Variants in ABCD2 observed in about 807,000 individuals in gnomAD.
The protein encoded by ABCD2 is ATP-binding cassette sub-family D member 2.
Under a neutral mutation model 70.9 loss-of-function variants are expected in ABCD2, and 36 were observed. The ratio of observed to expected loss-of-function variants is 0.51; its 90% CI spans 0.39 to 0.67. ABCD2 has a LOEUF of 0.67. Among genes scored for constraint, ABCD2 ranks in the 30% least tolerant of loss-of-function variants. The pLI is 0.00. For synonymous variants in ABCD2, 304 were observed against 306.9 expected, an observed-to-expected ratio of 0.99 and a Z score of 0.10; for missense variants, 729 against 890.2, an observed-to-expected ratio of 0.82 and a Z score of 2.30.
At chr12:39,564,154 G>T (rs1444812819) in intron 9 of ABCD2, among the ~76,000 whole-genome samples, 1 of 152,142 alleles carries the variant, frequency 6.6e-6, no homozygotes, top group Non-Finnish European at 1.5e-5. Flanking sequence ...GTAATGGGAT[G>T]GCTGGGTCAA....
At chr12:39,569,331 C>T (rs993053916) in intron 9 of ABCD2, among the ~76,000 whole-genome samples, 1 of 152,214 alleles carries the variant, frequency 6.6e-6, no homozygotes, top group African/African-American at 2.4e-5. Context: ...CAATGGCGGG[C>T]ACCCCTCCCC....
rs754322680 is a variant in ABCD2 at position 39,607,641 on chromosome 12, A to G, written c.1194T>C (p.Ser398=). The change falls in exon 3 of 10, where the codon TCT becomes TCC. Residue 398 remains serine, a synonymous_variant. Transcript: ENST00000308666. ...AFTTARNLLA[S]GADAIERIMS... ...TAATCCTTTCAATAGCATCAGCTCC[A>G]GAGGCCAGTAAATTTCGAGCAGTGG... 1.2e-6 allele frequency: 2 copies of G among 1,613,816 alleles called. No individual in the cohort carries two copies. The highest frequency in any genetic ancestry group is 2.2e-5 in the South Asian group (2 of 91,028).
chr12:39,534,701 C>A, the ABCD2 span, among the ~76,000 whole-genome samples: 327 of 111,158 alleles, frequency 2.9e-3, 4 homozygotes, highest in East Asian at 0.014. Context: ...GAAGGAAGGA[C>A]GGAAGGAAGG....
At chr12:39,545,329 A>G (rs564308405), downstream of ABCD2, among the ~76,000 whole-genome samples, 11 of 152,212 alleles carry the variant, frequency 7.2e-5, no homozygotes, top group African/African-American at 2.2e-4. Flanking sequence ...TCTCGCTCTT[A>G]TCACCCATGC....
intron 9 of ABCD2, among the ~76,000 whole-genome samples, chr12:39,560,549 G>T (rs190699805): frequency 2.9e-4 from 44 of 152,204 alleles, no homozygotes; most frequent in Middle Eastern, 6.8e-3. Context: ...ATAAAAAGAT[G>T]TAAATTGTGA....
chr12:39,587,096 C>G (rs1160265964), intron 6 of ABCD2, among the ~76,000 whole-genome samples: 2 of 151,760 alleles, frequency 1.3e-5, no homozygotes, highest in African/African-American at 4.8e-5. Context: ...TCTAAAAATA[C>G]AAAAAAAGAT....
chr12:39,532,702 G>A, the ABCD2 span, among the ~76,000 whole-genome samples: 292 of 152,240 alleles, frequency 1.9e-3, 3 homozygotes, highest in African/African-American at 6.8e-3. Context: ...ATCAACAGTG[G>A]AACAGTGCAC....
At chr12:39,584,135 A>AGTG (rs1407481569) in intron 7 of ABCD2, among the ~76,000 whole-genome samples, 6 of 152,168 alleles carry the variant, frequency 3.9e-5, no homozygotes, top group Non-Finnish European at 7.4e-5. Flanking sequence ...TCCCACCAAC[A>AGTG]GTGTATAAGT....
intron 2 of ABCD2, among the ~76,000 whole-genome samples, chr12:39,610,122 T>C (rs1021490105): frequency 6.6e-6 from 1 of 152,192 alleles, no homozygotes; most frequent in African/African-American, 2.4e-5. Flanking sequence ...AAGTATGGCA[T>C]AAGCAATAGC....
chr12:39,601,248 C>A (rs184180864), intron 5 of ABCD2, among the ~76,000 whole-genome samples: 8 of 152,010 alleles, frequency 5.3e-5, no homozygotes, highest in African/African-American at 1.9e-4. Context: ...GAAGATGATT[C>A]AAATTCTGCT....
intron 9 of ABCD2, among the ~76,000 whole-genome samples, chr12:39,557,389 G>T (rs571110987): frequency 6.6e-6 from 1 of 152,304 alleles, no homozygotes; most frequent in Admixed American, 6.5e-5. Context: ...GCTTCACAAA[G>T]AGATGATTTG....
the ABCD2 span, among the ~76,000 whole-genome samples, chr12:39,539,109 A>G: frequency 6.6e-6 from 1 of 152,328 alleles, no homozygotes; most frequent in Admixed American, 6.5e-5. Flanking sequence ...TTGATATTTC[A>G]AAAATCAGTT....
At chr12:39,564,778 C>A (rs1941317517) in intron 9 of ABCD2, among the ~76,000 whole-genome samples, 1 of 152,134 alleles carries the variant, frequency 6.6e-6, no homozygotes, top group African/African-American at 2.4e-5. Context: ...ACATTTAAGT[C>A]TTGAATCCAT....
chr12:39,569,258 G>A (rs1271435904), intron 9 of ABCD2, among the ~76,000 whole-genome samples: 4 of 152,226 alleles, frequency 2.6e-5, no homozygotes, highest in African/African-American at 9.6e-5. Context: ...GCCTCCTTGA[G>A]CTGTGGTGGG....
chr12:39,531,302 C>A, the ABCD2 span, among the ~76,000 whole-genome samples: 3 of 152,124 alleles, frequency 2.0e-5, no homozygotes, highest in Non-Finnish European at 2.9e-5. Context: ...TGCGTTAAAA[C>A]CTAATCAGCC....
Position 39,600,640 on chromosome 12 carries a change from C to T in ABCD2, c.1577G>A (p.Gly526Glu), listed in dbSNP as rs759637252. 3 of 1,612,692 alleles carry T rather than the reference C, an allele frequency of 1.9e-6. No homozygotes were observed. The highest frequency in any genetic ancestry group is 2.5e-6 in the Non-Finnish European group (3 of 1,179,256). Reference protein sequence around the residue: ...GKSSLFRILSGLWPVYEGVLY... With the variant: ...GKSSLFRILSELWPVYEGVLY... ...GACTCCTTCATACACAGGCCAGAGCCCACTTAGAATTCTGAAGAGAGAACT... is the reference window on the plus strand; with the variant it reads ...GACTCCTTCATACACAGGCCAGAGCTCACTTAGAATTCTGAAGAGAGAACT... The change falls in exon 6 of 10, where the codon GGG (glycine) becomes GAG (glutamate). Residue 526 changes from glycine to glutamate, a missense_variant. This residue lies in a region of ABCD2 where 289 missense variants were observed against 328.8 expected (regional missense o/e 0.88). Coordinates refer to ENST00000308666, the MANE Select transcript of ABCD2 (RefSeq NM_005164.4).
chr12:39,546,577 T>TG (rs1941027265), downstream of ABCD2, among the ~76,000 whole-genome samples: 4 of 152,076 alleles, frequency 2.6e-5, no homozygotes, highest in South Asian at 8.3e-4. Context: ...AAGGACTGGT[T>TG]GGGGGAGTAT....
At chr12:39,603,859 G>A in intron 5 of ABCD2, 53 bp downstream of exon 5, 3 of 1,334,446 alleles carry the variant, frequency 2.2e-6, no homozygotes, top group South Asian at 2.4e-5. Context: ...ATTCTGAGTT[G>A]TTTTGTATTA....
Position 39,619,345 on chromosome 12 carries a change from G to A in ABCD2, c.271C>T (p.Leu91Phe). 6.2e-7 allele frequency: 1 copy of A among 1,614,090 alleles called. No homozygotes were observed. ...NADFFKQLLE[L>F]RKILFPKLVT... ...AGTTTTGGAAACAAAATTTTCCGAA[G>A]TTCTAGTAGCTGTTTGAAGAAATCT... The change falls in exon 1 of 10, where the codon CTT (leucine) becomes TTT (phenylalanine). Residue 91 changes from leucine to phenylalanine, a missense_variant. Physicochemically the swap from Leu to Phe is conservative, Grantham distance 22. Around this residue, in one of 3 missense-constraint regions of ABCD2, gnomAD observed 245 missense variants for 261.2 expected, o/e 0.94. Coordinates refer to ENST00000308666, the MANE Select transcript of ABCD2 (RefSeq NM_005164.4).
Sources: gnomAD v4.1 joint callset for allele counts (sites outside exome capture counted in the v4.1 genomes callset) on GRCh38, gnomAD v4.1.1 for gene constraint, gnomAD v4.1.1 regional missense constraint, MANE v1.5 for transcripts, NCBI Gene and HGNC (gene_info 2026-07-23, HGNC 2026-07-21) for gene names.